KALRN: variants seen among roughly 807,000 people sequenced by gnomAD.
KALRN encodes the protein kalirin.
KALRN carries 70 observed loss-of-function variants against 353.7 expected under a neutral mutation model. The ratio of observed to expected loss-of-function variants is 0.20; its 90% confidence interval spans 0.16 to 0.24. The LOEUF is 0.24. KALRN is among the 10% of genes least tolerant of loss of function. The pLI is 1.00. For synonymous variants in KALRN, 1,391 were observed against 1,434.8 expected (o/e 0.97, Z 0.69); for missense variants, 2,791 against 3,756.7 (o/e 0.74, Z 6.72).
intron 15 of KALRN, 122 bp downstream of exon 15, chr3:124,423,100 T>C: frequency 1.2e-6 from 1 of 828,762 alleles, no homozygotes; most frequent in Non-Finnish European, 1.8e-6. Context: ...TAACCAGCAC[T>C]TCGAAAATAG....
intron 1 of KALRN, among the ~76,000 whole-genome samples, chr3:124,164,928 G>T (rs1204019109): frequency 6.6e-6 from 1 of 152,114 alleles, no homozygotes; most frequent in South Asian, 2.1e-4. Context: ...TCTTTGTCCC[G>T]ATCATAGTAC....
At chr3:124,368,917 GCGCGTGCCTGCAAT>G (rs1318798399) in intron 10 of KALRN, among the ~76,000 whole-genome samples, 2 of 152,122 alleles carry the variant, frequency 1.3e-5, no homozygotes, top group Admixed American at 6.5e-5. Context: ...AGGCGTGGTG[GCGCGTGCCTGCAAT>G]CGCAGGCACT....
At chr3:124,688,307 T>C (rs1187505443) in intron 51 of KALRN, among the ~76,000 whole-genome samples, 1 of 103,040 alleles carries the variant, frequency 9.7e-6, no homozygotes, top group Non-Finnish European at 2.1e-5. Flanking sequence ...CGTGAGACCC[T>C]GTCAAAAAAA....
Position 124,674,307 on chromosome 3 carries a change from G to A in KALRN, c.6943-57G>A, listed in dbSNP as rs925708965. On this transcript the variant is annotated intron_variant, in intron 48 of 59. Coordinates refer to ENST00000682506, the MANE Select transcript of KALRN (RefSeq NM_001388419.1). ...AACCACTGGGTAGGGTGCAGAGCAA[G>A]CCCATGTGAACTAGCGTCCTTGTGT... The A allele has an allele frequency of 2.5e-5, 39 of 1,564,194 alleles. No homozygotes were observed. The Admixed American group carries it at 6.5e-4, about 26-fold the overall frequency.
chr3:124,604,004 G>A (rs1319875033), intron 34 of KALRN, among the ~76,000 whole-genome samples: 1 of 152,082 alleles, frequency 6.6e-6, no homozygotes, highest in East Asian at 1.9e-4. Flanking sequence ...ATGTGATTCT[G>A]TGTTGCATGC....
At chr3:124,555,554 AG>A in intron 33 of KALRN, among the ~76,000 whole-genome samples, 1 of 152,250 alleles carries the variant, frequency 6.6e-6, no homozygotes, top group South Asian at 2.1e-4. Context: ...TGTCAGGTTT[AG>A]GAATTCATGG....
chr3:124,253,800 C>G (rs548428405), intron 3 of KALRN, among the ~76,000 whole-genome samples: 1 of 152,278 alleles, frequency 6.6e-6, no homozygotes, highest in African/African-American at 2.4e-5. Context: ...CTGCTGATAC[C>G]CTGAAACACA....
intron 1 of KALRN, among the ~76,000 whole-genome samples, chr3:124,157,246 G>A (rs564219503): frequency 6.6e-6 from 1 of 152,358 alleles, no homozygotes; most frequent in South Asian, 2.1e-4. Context: ...GAGGAGGCAA[G>A]TGACTGGACC....
chr3:124,150,216 A>C (rs980543952), intron 1 of KALRN, among the ~76,000 whole-genome samples: 4 of 152,240 alleles, frequency 2.6e-5, no homozygotes, highest in African/African-American at 9.6e-5. Context: ...ACCAAACAAA[A>C]TTGAACAACT....
At chr3:124,113,783 T>C (rs1428796423) in intron 1 of KALRN, among the ~76,000 whole-genome samples, 1 of 152,244 alleles carries the variant, frequency 6.6e-6, no homozygotes, top group East Asian at 1.9e-4. Flanking sequence ...TTCCTTCTCC[T>C]AAGATTAAGA....
intron 37 of KALRN, among the ~76,000 whole-genome samples, chr3:124,648,523 G>A (rs1221746316): frequency 6.6e-6 from 1 of 152,244 alleles, no homozygotes; most frequent in Admixed American, 6.5e-5. Flanking sequence ...GGATACCACT[G>A]AGCAGCAATT....
chr3:124,519,234 A>G lies in KALRN; in HGVS notation c.4935+22821A>G, dbSNP rs1421110727. The G allele has an allele frequency of 4.2e-6, 4 of 963,190 alleles. No homozygotes were observed. In the African/African-American group the frequency reaches 5.3e-5, roughly 13 times the overall value. The allele number at this position is 963,190 out of a possible 1,614,324, so 59.7% of individuals were successfully genotyped here. ...AAGATATAAATGAAAAACTGGCCAC[A>G]TGTTGATAATTGTTGAAACTAGATG... On this transcript the variant is annotated intron_variant, in intron 33 of 59. Coordinates refer to ENST00000682506, the MANE Select transcript of KALRN (RefSeq NM_001388419.1).
intron 51 of KALRN, among the ~76,000 whole-genome samples, chr3:124,684,036 GT>G (rs1348509297): frequency 6.6e-6 from 1 of 152,240 alleles, no homozygotes; most frequent in East Asian, 1.9e-4. Flanking sequence ...CCTTCACAAT[GT>G]TATACCACCA....
chr3:124,162,600 A>G (rs1284444660), intron 1 of KALRN: 1 of 152,206 alleles, frequency 6.6e-6, no homozygotes, highest in Middle Eastern at 3.2e-3. Flanking sequence ...TCAGAGCTGG[A>G]ATAGTGCTTT....
intron 1 of KALRN, among the ~76,000 whole-genome samples, chr3:124,157,710 C>T (rs1021391111): frequency 6.6e-6 from 1 of 152,202 alleles, no homozygotes; most frequent in Non-Finnish European, 1.5e-5. Context: ...GGAAAACCAT[C>T]TGCAGGAGGG....
At chr3:124,410,694 C>T (rs1012155160) in intron 13 of KALRN, among the ~76,000 whole-genome samples, 27 of 152,146 alleles carry the variant, frequency 1.8e-4, no homozygotes, top group Admixed American at 1.7e-3. Context: ...CTGATAATGC[C>T]AAGTGATGGT....
chr3:124,329,306 G>A lies in KALRN; in HGVS notation c.1285-555G>A, dbSNP rs868520987. On this transcript the variant is annotated intron_variant, in intron 7 of 59. Coordinates refer to ENST00000682506, the MANE Select transcript of KALRN (RefSeq NM_001388419.1). ...CCTCTCTCGTTTCCACCCTTCAGGG[G>A]ACTGACCCAACAGTGGGAGACCTGT... 5.8e-4 allele frequency among the ~76,000 whole-genome samples: 89 copies of A among 152,268 alleles called. No homozygotes were observed. The Middle Eastern group carries it at 0.01, about 17-fold the overall frequency.
At chr3:124,169,530 G>A (rs183436189) in intron 1 of KALRN, among the ~76,000 whole-genome samples, 1 of 152,268 alleles carries the variant, frequency 6.6e-6, no homozygotes, top group East Asian at 1.9e-4. Context: ...TACTGGTGCA[G>A]TGGAATCCCG....
chr3:124,508,897 C>G (rs996363386), intron 33 of KALRN, among the ~76,000 whole-genome samples: 28 of 152,144 alleles, frequency 1.8e-4, no homozygotes, highest in African/African-American at 6.8e-4. Context: ...TCGTGTTTCC[C>G]TGCTTACTAA....
Sources: gnomAD v4.1 joint callset for allele counts (sites outside exome capture counted in the v4.1 genomes callset) on GRCh38, gnomAD v4.1.1 for gene constraint, MANE v1.5 for transcripts, NCBI Gene and HGNC (gene_info 2026-07-23, HGNC 2026-07-21) for gene names.